The following TMCO4 variants were observed in gnomAD, a reference collection of about 807,000 sequenced individuals.
TMCO4 encodes transmembrane and coiled-coil domains 4.
TMCO4 carries 58 observed loss-of-function variants against 64.7 expected under a neutral mutation model. The observed-to-expected ratio is 0.90, with a 90% CI of 0.73 to 1.12. The LOEUF (loss-of-function observed/expected upper bound fraction) is 1.12. Ranked by LOEUF, TMCO4 falls within the 50% of genes most tolerant of loss-of-function variation. TMCO4 has a pLI of 0.00. For synonymous variants in TMCO4, 325 were observed against 346.1 expected (o/e 0.94, Z 0.68); for missense variants, 780 against 825.9 (o/e 0.94, Z 0.68).
chr1:19,756,155 G>A (rs1237466012), intron 6 of TMCO4, among the ~76,000 whole-genome samples: 2 of 152,182 alleles, frequency 1.3e-5, no homozygotes, highest in Non-Finnish European at 2.9e-5. Flanking sequence ...GGGGGCTGAT[G>A]TAGGAGGATC....
At chr1:19,720,505 T>A (rs1045405167) in intron 13 of TMCO4, among the ~76,000 whole-genome samples, 2 of 152,172 alleles carry the variant, frequency 1.3e-5, no homozygotes, top group Admixed American at 1.3e-4. Flanking sequence ...CCCAATGGAC[T>A]TAGAGCTCCT....
At chr1:19,793,701 C>T (rs936133390) in intron 2 of TMCO4, among the ~76,000 whole-genome samples, 7 of 152,192 alleles carry the variant, frequency 4.6e-5, no homozygotes, top group African/African-American at 1.7e-4. Context: ...GCTCCCCTCC[C>T]ACCCTCGCTT....
chr1:19,757,159 C>A (rs71579820), intron 6 of TMCO4, among the ~76,000 whole-genome samples: 1 of 135,414 alleles, frequency 7.4e-6, no homozygotes, highest in Non-Finnish European at 1.6e-5. Context: ...GGCGTGGTGG[C>A]GGGGGGGGGC....
At chr1:19,719,591 C>T (rs138553695) in intron 13 of TMCO4, among the ~76,000 whole-genome samples, 2 of 151,976 alleles carry the variant, frequency 1.3e-5, no homozygotes, top group South Asian at 2.1e-4. Flanking sequence ...TACAGTGGTG[C>T]GATCATAGCC....
At chr1:19,723,324 A>G (rs1026917833) in intron 13 of TMCO4, among the ~76,000 whole-genome samples, 1 of 152,078 alleles carries the variant, frequency 6.6e-6, no homozygotes. Flanking sequence ...TTCATCTCAT[A>G]TGGGGGATAG....
intron 15 of TMCO4, among the ~76,000 whole-genome samples, chr1:19,689,368 G>A (rs971237018): frequency 4.6e-5 from 7 of 152,216 alleles, no homozygotes; most frequent in African/African-American, 1.7e-4. Flanking sequence ...AGGGAGCGGA[G>A]TCTCCAAAAC....
At chr1:19,707,864 C>T (rs2095310292) in intron 13 of TMCO4, among the ~76,000 whole-genome samples, 1 of 152,262 alleles carries the variant, frequency 6.6e-6, no homozygotes, top group South Asian at 2.1e-4. Context: ...GGGAAGCAAG[C>T]TTGTCTTCCC....
At chr1:19,790,949 A>C (rs2044000599) in intron 2 of TMCO4, among the ~76,000 whole-genome samples, 2 of 147,734 alleles carry the variant, frequency 1.4e-5, no homozygotes, top group African/African-American at 5.4e-5. Context: ...AAAATGTGGT[A>C]CATATACACC....
chr1:19,787,575 A>G (rs966963892), intron 2 of TMCO4, among the ~76,000 whole-genome samples: 3 of 152,138 alleles, frequency 2.0e-5, no homozygotes, highest in African/African-American at 7.2e-5. Flanking sequence ...ATTTCTCCCT[A>G]AAGGCACTCC....
chr1:19,708,041 G>A (rs911249785), intron 13 of TMCO4, among the ~76,000 whole-genome samples: 4 of 152,078 alleles, frequency 2.6e-5, no homozygotes, highest in Admixed American at 6.6e-5. Flanking sequence ...GGATTACAAC[G>A]CCACATGAGA....
chr1:19,796,539 C>T (rs2044316686), intron 2 of TMCO4, among the ~76,000 whole-genome samples: 1 of 152,096 alleles, frequency 6.6e-6, no homozygotes, highest in Non-Finnish European at 1.5e-5. Flanking sequence ...GGCCCCTCCA[C>T]TCCCGCCTCT....
intron 12 of TMCO4, among the ~76,000 whole-genome samples, chr1:19,737,774 T>C (rs2095462209): frequency 6.6e-6 from 1 of 152,236 alleles, no homozygotes; most frequent in South Asian, 2.1e-4. Flanking sequence ...GGCTAGTCAA[T>C]TACAAGAGCA....
chr1:19,700,487 A>C (rs2095264584), intron 14 of TMCO4, among the ~76,000 whole-genome samples: 2 of 152,114 alleles, frequency 1.3e-5, no homozygotes, highest in African/African-American at 4.8e-5. Context: ...CAACCAGGCC[A>C]AGCCGCCCCA....
At chr1:19,768,189 T>C (rs998570022) in intron 6 of TMCO4, among the ~76,000 whole-genome samples, 1 of 151,788 alleles carries the variant, frequency 6.6e-6, no homozygotes, top group East Asian at 1.9e-4. Flanking sequence ...ACCACCTCAC[T>C]GGAGGACGAG....
chr1:19,790,893 G>C (rs1023943494), intron 2 of TMCO4, among the ~76,000 whole-genome samples: 1 of 152,150 alleles, frequency 6.6e-6, no homozygotes, highest in Non-Finnish European at 1.5e-5. Context: ...CAATAGCAAA[G>C]ACATGGAATC....
At chr1:19,733,522 C>G (rs981502035) in intron 13 of TMCO4, among the ~76,000 whole-genome samples, 2 of 152,156 alleles carry the variant, frequency 1.3e-5, no homozygotes, top group African/African-American at 2.4e-5. Context: ...GAAGGAGAAA[C>G]AGGGCCCCTG....
At chr1:19,762,315 G>A (rs2042541861) in intron 6 of TMCO4, among the ~76,000 whole-genome samples, 1 of 152,150 alleles carries the variant, frequency 6.6e-6, no homozygotes, top group African/African-American at 2.4e-5. Flanking sequence ...TACGTATCAC[G>A]GGATAACAGT....
chr1:19,772,324 T>C (rs553356000), intron 4 of TMCO4, among the ~76,000 whole-genome samples: 4 of 152,338 alleles, frequency 2.6e-5, no homozygotes, highest in African/African-American at 9.6e-5. Flanking sequence ...TGGAAAACGC[T>C]GGCTGCTGCA....
At chr1:19,737,296 G>GC in intron 13 of TMCO4, 76 bp downstream of exon 13, 2 of 1,448,576 alleles carry the variant, frequency 1.4e-6, no homozygotes, top group Non-Finnish European at 1.9e-6. Context: ...AAGGCTCATG[G>GC]CCCCTGGCCC....
Sources: gnomAD v4.1 joint callset for allele counts (sites outside exome capture counted in the v4.1 genomes callset) on GRCh38, gnomAD v4.1.1 for gene constraint, MANE v1.5 for transcripts, NCBI Gene and HGNC (gene_info 2026-07-23, HGNC 2026-07-21) for gene names.